Variants in WRN observed in about 807,000 individuals in gnomAD.
WRN encodes the protein bifunctional 3'-5' exonuclease/ATP-dependent helicase WRN.
In WRN, 149 loss-of-function variants were observed where a neutral mutation model predicts 180.7. That is an observed-to-expected ratio of 0.82 (90% CI 0.72 to 0.94). WRN has a LOEUF of 0.94. Ranked by LOEUF, WRN falls within the 40% of genes least tolerant of loss-of-function variation. The pLI is 0.00. For synonymous variants in WRN, 548 were observed against 568.9 expected (o/e 0.96, Z 0.52); for missense variants, 1,661 against 1,700.1 (o/e 0.98, Z 0.40).
chr8:31,132,517 A>G lies in WRN; in HGVS notation c.2967+11A>G. 2 of 1,614,084 alleles carry G rather than the reference A, an allele frequency of 1.2e-6. No homozygotes were observed. The highest frequency in any genetic ancestry group is 1.7e-6 in the Non-Finnish European group (2 of 1,180,010). ...TTTCTCCGAGGATCTGTAAGTATATATCTGTGAATTCCCTTCATAGATCTT... is the reference window on the plus strand; with the variant it reads ...TTTCTCCGAGGATCTGTAAGTATATGTCTGTGAATTCCCTTCATAGATCTT... On this transcript the variant is annotated intron_variant, in intron 24 of 34. Coordinates refer to ENST00000298139, the MANE Select transcript of WRN (RefSeq NM_000553.6).
At chr8:31,115,825 ACATT>A (rs755114507) in intron 19 of WRN, among the ~76,000 whole-genome samples, 23 of 152,196 alleles carry the variant, frequency 1.5e-4, no homozygotes, top group Non-Finnish European at 3.1e-4. Flanking sequence ...GTTTTCTATA[ACATT>A]CAGTCTCAAG....
rs1297259267 is a variant in WRN at position 31,174,191 on chromosome 8, G to T, written c.*1089G>T. ...TTTTTCTGCATTGCATTACCAGAAG[G>T]TAGTGGCGCCTATTAAATATGTGAT... On this transcript the variant is annotated 3_prime_UTR_variant, in exon 35 of 35. Coordinates refer to ENST00000298139, the MANE Select transcript of WRN (RefSeq NM_000553.6). 6.6e-6 allele frequency among the ~76,000 whole-genome samples: 1 copy of T among 152,140 alleles called. No individual in the cohort carries two copies. The highest frequency in any genetic ancestry group is 2.4e-5 in the African/African-American group (1 of 41,404).
chr8:31,172,314 TA>T (rs1285657832), intron 34 of WRN, among the ~76,000 whole-genome samples: 3 of 152,094 alleles, frequency 2.0e-5, no homozygotes, highest in Non-Finnish European at 4.4e-5. Context: ...AGCCTTAAAT[TA>T]TTTTTTTTTC....
intron 34 of WRN, among the ~76,000 whole-genome samples, chr8:31,168,641 G>GA (rs34663713): frequency 0.34 from 51,552 of 151,928 alleles, 9,540 homozygotes; most frequent in East Asian, 0.62. Flanking sequence ...GATAAGAGGT[G>GA]AGTAAGTCAT....
chr8:31,070,197 A>C (rs1377231478), intron 7 of WRN, among the ~76,000 whole-genome samples: 1 of 151,720 alleles, frequency 6.6e-6, no homozygotes, highest in East Asian at 2.0e-4. Context: ...CTAATAACTA[A>C]GATTACCATC....
intron 18 of WRN, 46 bp from the exon 19 acceptor site, chr8:31,111,569 T>C: frequency 6.3e-7 from 1 of 1,599,002 alleles, no homozygotes; most frequent in Non-Finnish European, 8.6e-7. Context: ...ATGTTGGGAA[T>C]GAATGAGCTC....
chr8:31,152,279 C>T (rs907873673), intron 31 of WRN, among the ~76,000 whole-genome samples: 7 of 150,608 alleles, frequency 4.6e-5, no homozygotes, highest in African/African-American at 9.8e-5. Context: ...TGGAGTAAGC[C>T]GAGATCGTGC....
chr8:31,116,284 A>G lies in WRN; in HGVS notation c.2274-70A>G, dbSNP rs1801512380. 27 of 1,529,394 alleles carry G rather than the reference A, an allele frequency of 1.8e-5. No homozygotes were observed. In the South Asian group the frequency reaches 3.2e-4, roughly 18 times the overall value. The allele number at this position is 1,529,394 out of a possible 1,614,324, so 94.7% of individuals were successfully genotyped here. On this transcript the variant is annotated intron_variant, in intron 19 of 34. Coordinates refer to ENST00000298139, the MANE Select transcript of WRN (RefSeq NM_000553.6). Reference sequence around the variant, plus strand: ...AGGTAGAAAGGAAGAATTAAATAAGATAAAACCAAACGGGTCTGAAGCATG... The same window carrying G: ...AGGTAGAAAGGAAGAATTAAATAAGGTAAAACCAAACGGGTCTGAAGCATG...
intron 17 of WRN, among the ~76,000 whole-genome samples, chr8:31,100,426 C>T (rs540555675): frequency 2.2e-4 from 33 of 152,196 alleles, no homozygotes; most frequent in Middle Eastern, 6.8e-3. Flanking sequence ...TCATGGATGG[C>T]GATGCAGTTA....
chr8:31,038,396 C>A (rs1340554776), intron 1 of WRN, among the ~76,000 whole-genome samples: 2 of 151,428 alleles, frequency 1.3e-5, no homozygotes, highest in East Asian at 3.8e-4. Flanking sequence ...CTATTAAGTC[C>A]TTTGCCCATT....
chr8:31,140,561 C>T (rs1802580267), intron 24 of WRN, among the ~76,000 whole-genome samples: 1 of 150,440 alleles, frequency 6.6e-6, no homozygotes, highest in African/African-American at 2.5e-5. Flanking sequence ...TACCTCAAAA[C>T]CATCAGCTGT....
intron 10 of WRN, among the ~76,000 whole-genome samples, chr8:31,084,417 TAAA>T (rs970959358): frequency 1.3e-5 from 2 of 152,138 alleles, no homozygotes; most frequent in African/African-American, 4.8e-5. Flanking sequence ...AACTTTTTTT[TAAA>T]AAAAGAACTT....
At chr8:31,090,605 C>T (rs1813710099) in intron 14 of WRN, 73 bp downstream of exon 14, 1 of 1,429,480 alleles carries the variant, frequency 7.0e-7, no homozygotes, top group African/African-American at 1.4e-5. Context: ...CTTAATCTTT[C>T]ATTAAACTCT....
At chr8:31,061,305 G>T (rs1274602527) in intron 3 of WRN, among the ~76,000 whole-genome samples, 2 of 151,348 alleles carry the variant, frequency 1.3e-5, no homozygotes, top group South Asian at 2.1e-4. Flanking sequence ...TACATATTTT[G>T]TTTATCTCTA....
chr8:31,088,819 A>G, intron 12 of WRN, 71 bp from the exon 13 acceptor site: 4 of 1,294,916 alleles, frequency 3.1e-6, no homozygotes, highest in Non-Finnish European at 4.4e-6. Flanking sequence ...AGCCAATGAA[A>G]TAAACTGTTT....
At chr8:31,104,823 TTCTGGGTTCTCTAGCCTG>T (rs1370429435) in intron 18 of WRN, among the ~76,000 whole-genome samples, 15 of 152,224 alleles carry the variant, frequency 9.9e-5, no homozygotes, top group African/African-American at 3.6e-4. Flanking sequence ...GTGGGTCTAT[TTCTGGGTTCTCTAGCCTG>T]TTATATTAAT....
intron 24 of WRN, among the ~76,000 whole-genome samples, chr8:31,133,744 T>A (rs2130382495): frequency 6.6e-6 from 1 of 152,322 alleles, no homozygotes; most frequent in African/African-American, 2.4e-5. Flanking sequence ...GTATTTTTTA[T>A]AACAAGAATT....
At chr8:31,060,557 A>G (rs190708194) in intron 3 of WRN, among the ~76,000 whole-genome samples, 88 of 152,288 alleles carry the variant, frequency 5.8e-4, no homozygotes, top group Admixed American at 1.0e-3. Flanking sequence ...AAACAAACAA[A>G]CAAAAGGCAG....
At chr8:31,063,875 C>T (rs897134750) in intron 3 of WRN, among the ~76,000 whole-genome samples, 3 of 152,080 alleles carry the variant, frequency 2.0e-5, no homozygotes, top group Admixed American at 6.6e-5. Flanking sequence ...AGGTGTGTGC[C>T]ACCAAGCCCA....
Sources: gnomAD v4.1 joint callset for allele counts (sites outside exome capture counted in the v4.1 genomes callset) on GRCh38, gnomAD v4.1.1 for gene constraint, MANE v1.5 for transcripts, NCBI Gene and HGNC (gene_info 2026-07-23, HGNC 2026-07-21) for gene names.